ATE1: variants seen among roughly 807,000 people sequenced by gnomAD.
The protein encoded by ATE1 is arginyl-tRNA--protein transferase 1.
Under a neutral mutation model 70.5 loss-of-function variants are expected in ATE1, and 36 were observed. That is an observed-to-expected ratio of 0.51 (90% CI 0.39 to 0.67). The LOEUF is 0.67. Among genes scored for constraint, ATE1 ranks in the 30% least tolerant of loss-of-function variants. The pLI, the probability that ATE1 is intolerant of heterozygous loss-of-function variation, is 0.00. For synonymous variants in ATE1, 232 were observed against 219.3 expected (o/e 1.06, Z -0.51); for missense variants, 593 against 629.5 (o/e 0.94, Z 0.62).
chr10:121,873,453 GC>G (rs1949929859), intron 7 of ATE1, among the ~76,000 whole-genome samples: 1 of 152,056 alleles, frequency 6.6e-6, no homozygotes, highest in Non-Finnish European at 1.5e-5. Flanking sequence ...ATCATCGGTA[GC>G]CTGACTCATA....
chr10:121,788,592 C>G (rs763172026), intron 11 of ATE1, among the ~76,000 whole-genome samples: 3 of 152,196 alleles, frequency 2.0e-5, no homozygotes, highest in Non-Finnish European at 4.4e-5. Flanking sequence ...GAAGTTACTG[C>G]GTCCCTTTCC....
chr10:121,840,934 T>G (rs1948604960), intron 9 of ATE1, 148 bp downstream of exon 9: 1 of 564,366 alleles, frequency 1.8e-6, no homozygotes, highest in Admixed American at 4.2e-5. Flanking sequence ...TATATAGTAG[T>G]ATGTATTCTA....
At chr10:121,901,673 C>A (rs183227393) in intron 6 of ATE1, among the ~76,000 whole-genome samples, 1 of 152,198 alleles carries the variant, frequency 6.6e-6, no homozygotes, top group African/African-American at 2.4e-5. Context: ...CCAAGCTGAT[C>A]TCAAACACCA....
intron 11 of ATE1, among the ~76,000 whole-genome samples, chr10:121,759,783 C>A (rs1944962494): frequency 6.6e-6 from 1 of 151,118 alleles, no homozygotes; most frequent in Non-Finnish European, 1.5e-5. Context: ...GAAGCTACAG[C>A]AAGTTACCCT....
intron 10 of ATE1, among the ~76,000 whole-genome samples, chr10:121,797,580 G>C (rs1365732442): frequency 1.5e-5 from 1 of 67,394 alleles, no homozygotes; most frequent in African/African-American, 4.6e-5. Context: ...CTTCCTATTT[G>C]AGTGGGAGTA....
At chr10:121,875,362 T>C (rs1462530356) in intron 7 of ATE1, among the ~76,000 whole-genome samples, 1 of 134,590 alleles carries the variant, frequency 7.4e-6, no homozygotes, top group African/African-American at 2.8e-5. Flanking sequence ...TGGAGTGCAA[T>C]GGCACAACCT....
chr10:121,800,942 T>C (rs1009370531), intron 10 of ATE1, among the ~76,000 whole-genome samples: 6 of 152,186 alleles, frequency 3.9e-5, no homozygotes, highest in African/African-American at 7.2e-5. Context: ...AGCAGACCCC[T>C]TGCTCCCTGA....
chr10:121,869,989 CAGTG>C lies in ATE1; in HGVS notation c.975+13_975+16del, dbSNP rs1175257635. On this transcript the variant is annotated intron_variant, in intron 8 of 11. Transcript: ENST00000224652. ...CAATTACCAATTCTAATATTAAGGTCAGTGAGTAACTCTTACCTCCAAGGGTGAA... is the reference window on the plus strand; with the variant it reads ...CAATTACCAATTCTAATATTAAGGTCAGTAACTCTTACCTCCAAGGGTGAA... The C allele has an allele frequency of 6.3e-7, 1 of 1,592,164 alleles. No homozygotes were observed. The highest frequency in any genetic ancestry group is 8.6e-7 in the Non-Finnish European group (1 of 1,161,420).
At chr10:121,885,578 A>AAC (rs922686222) in intron 7 of ATE1, among the ~76,000 whole-genome samples, 13 of 150,598 alleles carry the variant, frequency 8.6e-5, no homozygotes, top group Non-Finnish European at 1.8e-4. Flanking sequence ...AAAAAAAAAA[A>AAC]AAAAAAAACA....
At chr10:121,845,874 G>A (rs1380933989) in intron 8 of ATE1, among the ~76,000 whole-genome samples, 1 of 152,118 alleles carries the variant, frequency 6.6e-6, no homozygotes, top group Non-Finnish European at 1.5e-5. Flanking sequence ...TTATAAATGT[G>A]CATAGATTAT....
rs66781912 is a variant in ATE1, at chr10:121,786,202, GTTTTTTTTTTTTTTT to G, written c.1378+3952_1378+3966del. Among the ~76,000 whole-genome samples, 21 of 84,520 alleles carry G rather than the reference GTTTTTTTTTTTTTTT, an allele frequency of 2.5e-4. No individual in the cohort carries two copies. The East Asian group carries it at 7.6e-3, about 30-fold the overall frequency. 55.4% of individuals were successfully genotyped at this position (84,520 alleles called of 152,430 possible). ...TGGGAAACAGCACATGCTCAAGAAA[GTTTTTTTTTTTTTTT>G]TTTTTTTTTTTTTTTGTAAATCTGG... On this transcript the variant is annotated intron_variant, in intron 11 of 11. Transcript: ENST00000224652.
intron 8 of ATE1, among the ~76,000 whole-genome samples, chr10:121,843,378 C>T (rs557615383): frequency 4.5e-4 from 69 of 152,122 alleles, no homozygotes; most frequent in Non-Finnish European, 8.2e-4. Context: ...TTGATATATA[C>T]ATTTAATGTA....
chr10:121,769,777 G>C (rs1314279148), intron 11 of ATE1, among the ~76,000 whole-genome samples: 1 of 152,222 alleles, frequency 6.6e-6, no homozygotes, highest in Non-Finnish European at 1.5e-5. Context: ...AACATCAGTA[G>C]CCATTTGGGA....
chr10:121,839,118 G>C (rs1948535928), intron 9 of ATE1, among the ~76,000 whole-genome samples: 1 of 152,160 alleles, frequency 6.6e-6, no homozygotes, highest in Non-Finnish European at 1.5e-5. Context: ...GAAGTGACAA[G>C]ACCGCAGAGC....
intron 5 of ATE1, 123 bp from the exon 6 acceptor site, chr10:121,902,743 G>A (rs932342526): frequency 1.0e-6 from 1 of 964,860 alleles, no homozygotes; most frequent in South Asian, 1.8e-5. Context: ...CTTTGGGGTA[G>A]ATGTTTCAGA....
At chr10:121,851,898 A>G (rs1949069274) in intron 8 of ATE1, among the ~76,000 whole-genome samples, 1 of 152,262 alleles carries the variant, frequency 6.6e-6, no homozygotes, top group African/African-American at 2.4e-5. Flanking sequence ...GTGATTAATG[A>G]CCTATGTGGT....
upstream of ATE1, chr10:121,928,406 C>T (rs763677459): frequency 5.2e-6 from 8 of 1,527,878 alleles, no homozygotes; most frequent in Middle Eastern, 1.1e-3. Context: ...GGCCCTGAGG[C>T]CCTTGTATTC....
In ATE1 at chr10:121,927,828, G is replaced by T. The variant is rs773774431; in HGVS notation, c.106+16C>A. On this transcript the variant is annotated intron_variant, in intron 1 of 11. Coordinates refer to ENST00000224652, the MANE Select transcript of ATE1 (RefSeq NM_001001976.3). The stretch of plus-strand genomic sequence containing the variant: ...GGGCGCCCGGCTTCCCACGCCCGCC[G>T]GCCCGGCTCGCTCACCATTGGAGCG... 5 of 1,552,018 alleles carry T rather than the reference G, an allele frequency of 3.2e-6. No individual in the cohort carries two copies. Among genetic ancestry groups the T allele is most frequent in the Non-Finnish European group, 4.3e-6 (5 of 1,151,220 alleles).
At chr10:121,765,345 A>C (rs1590237341) in intron 11 of ATE1, among the ~76,000 whole-genome samples, 1 of 152,214 alleles carries the variant, frequency 6.6e-6, no homozygotes, top group East Asian at 1.9e-4. Flanking sequence ...TCTCAAAGAA[A>C]ATACGTAAGA....
Sources: gnomAD v4.1 joint callset for allele counts (sites outside exome capture counted in the v4.1 genomes callset) on GRCh38, gnomAD v4.1.1 for gene constraint, MANE v1.5 for transcripts, NCBI Gene and HGNC (gene_info 2026-07-23, HGNC 2026-07-21) for gene names.